Variants in ACER2 observed in about 807,000 individuals in gnomAD.
ACER2 encodes alkCDase 2.
Under a neutral mutation model 34.7 loss-of-function variants are expected in ACER2, and 26 were observed. The ratio of observed to expected loss-of-function variants is 0.75; its 90% CI spans 0.55 to 1.04. The LOEUF is 1.04. Among genes scored for constraint, ACER2 ranks in the 50% least tolerant of loss-of-function variants. ACER2 has a pLI of 0.00. For missense variants in ACER2, 352 were observed against 340.8 expected (o/e 1.03, Z -0.26); for synonymous variants, 138 against 132.1 (o/e 1.04, Z -0.31).
chr9:19,442,837 C>CT (rs113229012), intron 4 of ACER2, among the ~76,000 whole-genome samples: 3,626 of 144,612 alleles, frequency 0.025, 151 homozygotes, highest in African/African-American at 0.085. Flanking sequence ...CCAATAAATA[C>CT]TTTTTTTTTT....
At position 19,412,334 on chromosome 9, in the gene ACER2, A is replaced by C. The variant is rs540310615; in HGVS notation, c.108+3142A>C. ...GATATTTTCTAGGCATATAAAAAGC[A>C]CATGTATCTGTGTGCATATAAAATA... On this transcript the variant is annotated intron_variant, in intron 1 of 5. Transcript: ENST00000340967. 4.6e-5 allele frequency among the ~76,000 whole-genome samples: 7 copies of C among 152,348 alleles called. No homozygotes were observed. In the South Asian group the frequency reaches 1.4e-3, roughly 32 times the overall value.
chr9:19,435,737 G>C (rs556187656), intron 4 of ACER2, among the ~76,000 whole-genome samples: 112 of 152,068 alleles, frequency 7.4e-4, no homozygotes, highest in African/African-American at 2.6e-3. Flanking sequence ...GGGTGACAGA[G>C]TGAGACTTGT....
chr9:19,425,229 A>G (rs958085949), intron 3 of ACER2, among the ~76,000 whole-genome samples: 3 of 152,270 alleles, frequency 2.0e-5, no homozygotes, highest in African/African-American at 7.2e-5. Context: ...CATATGAAGT[A>G]GAATCCAGAC....
At chr9:19,418,297 C>T (rs951165795) in intron 1 of ACER2, among the ~76,000 whole-genome samples, 18 of 152,162 alleles carry the variant, frequency 1.2e-4, no homozygotes, top group Admixed American at 4.6e-4. Context: ...GGCGATTCCT[C>T]AACAATCTGG....
chr9:19,448,081 A>C (rs1321648688), intron 5 of ACER2, among the ~76,000 whole-genome samples: 1 of 137,938 alleles, frequency 7.2e-6, no homozygotes, highest in Non-Finnish European at 1.5e-5. Flanking sequence ...ATCTTGGCTC[A>C]CTGCAATCTC....
rs978563407 is a variant in ACER2, at chr9:19,446,640, G to A, written c.641+222G>A. 4 of 985,224 alleles carry A rather than the reference G, an allele frequency of 4.1e-6. No individual in the cohort carries two copies. In the African/African-American group the frequency reaches 7.0e-5, roughly 17 times the overall value. The allele number at this position is 985,224 out of a possible 1,614,324, so 61.0% of individuals were successfully genotyped here. On this transcript the variant is annotated intron_variant, in intron 5 of 5. Transcript: ENST00000340967. ...CTTAGCCGGAACGAAAGGCCTGATT[G>A]TCATGCTTAGGTCTGCAGTCTTTTA... is the stretch of plus-strand genomic sequence containing the variant.
At chr9:19,445,065 T>C (rs1011938268) in intron 4 of ACER2, among the ~76,000 whole-genome samples, 3 of 152,228 alleles carry the variant, frequency 2.0e-5, no homozygotes, top group African/African-American at 7.2e-5. Context: ...CAATTGCAGA[T>C]GTCGTGTTGT....
intron 1 of ACER2, among the ~76,000 whole-genome samples, chr9:19,412,495 A>G (rs763261121): frequency 2.0e-5 from 3 of 152,084 alleles, no homozygotes; most frequent in Non-Finnish European, 4.4e-5. Flanking sequence ...TCTACTAAAA[A>G]TACAAAAATT....
At position 19,434,046 on chromosome 9, in the gene ACER2, A is replaced by G. The variant is rs1250771422; in HGVS notation, c.366-901A>G. Among the ~76,000 whole-genome samples the G allele has an allele frequency of 1.4e-3, 195 of 141,720 alleles. 1 individual carries two copies. The highest frequency in any genetic ancestry group is 5.3e-3 in the African/African-American group (187 of 35,444). 93.0% of individuals were successfully genotyped at this position (141,720 alleles called of 152,430 possible). On this transcript the variant is annotated intron_variant, in intron 3 of 5. Coordinates refer to ENST00000340967, the MANE Select transcript of ACER2 (RefSeq NM_001010887.3). ...CGGCTGCCGGGCGGAGGGTCTCCTC[A>G]CTTCTCAGACGGGGCGGCCGGGCAG...
At chr9:19,409,863 G>T (rs1830036830) in intron 1 of ACER2, 5 of 985,278 alleles carry the variant, frequency 5.1e-6, no homozygotes, top group African/African-American at 1.7e-5. Flanking sequence ...GAAAGTTTGG[G>T]AGTGATAATG....
intron 4 of ACER2, among the ~76,000 whole-genome samples, chr9:19,435,699 C>T (rs933642721): frequency 2.0e-5 from 3 of 151,770 alleles, no homozygotes; most frequent in Non-Finnish European, 4.4e-5. Flanking sequence ...TTGCAGTGAG[C>T]TGAGATCACA....
At chr9:19,434,896 C>T (rs1563885026) in intron 3 of ACER2, 51 bp from the exon 4 acceptor site, 1 of 1,604,932 alleles carries the variant, frequency 6.2e-7, no homozygotes, top group Admixed American at 1.7e-5. Context: ...AACAAACAAA[C>T]AAACAAGAAC....
At chr9:19,426,861 A>G (rs548493179) in intron 3 of ACER2, among the ~76,000 whole-genome samples, 1 of 152,278 alleles carries the variant, frequency 6.6e-6, no homozygotes, top group South Asian at 2.1e-4. Context: ...CAGCGTGGGC[A>G]ACACAGTGAA....
chr9:19,432,108 G>T (rs1022124221), intron 3 of ACER2, among the ~76,000 whole-genome samples: 1 of 152,138 alleles, frequency 6.6e-6, no homozygotes, highest in Non-Finnish European at 1.5e-5. Context: ...GCCACTTCCG[G>T]CTCTTTCTAC....
intron 4 of ACER2, among the ~76,000 whole-genome samples, chr9:19,439,536 A>T (rs1831078859): frequency 6.6e-6 from 1 of 151,990 alleles, no homozygotes; most frequent in African/African-American, 2.4e-5. Flanking sequence ...GTAGAGACCC[A>T]GCCTAAAGGG....
At chr9:19,433,086 T>C (rs879897241) in intron 3 of ACER2, among the ~76,000 whole-genome samples, 1 of 151,508 alleles carries the variant, frequency 6.6e-6, no homozygotes, top group East Asian at 1.9e-4. Flanking sequence ...TTTGAAAATA[T>C]CTGATTATTT....
chr9:19,424,008 A>G, intron 2 of ACER2, 32 bp downstream of exon 2: 1 of 1,510,354 alleles, frequency 6.6e-7, no homozygotes, highest in South Asian at 1.1e-5. Context: ...CACGGACTTA[A>G]TGGGGTGGTG....
At chr9:19,409,297 G>A (rs1200253357) in intron 1 of ACER2, 105 bp downstream of exon 1, 17 of 1,132,482 alleles carry the variant, frequency 1.5e-5, no homozygotes, top group Admixed American at 1.5e-4. Flanking sequence ...GCATCTGGGG[G>A]CATTCTCTCC....
chr9:19,426,210 A>C (rs1830553093), intron 3 of ACER2, among the ~76,000 whole-genome samples: 2 of 149,432 alleles, frequency 1.3e-5, no homozygotes, highest in Non-Finnish European at 1.5e-5. Flanking sequence ...TTTCATCTGA[A>C]CTGGTTGACT....
Sources: gnomAD v4.1 joint callset for allele counts (sites outside exome capture counted in the v4.1 genomes callset) on GRCh38, gnomAD v4.1.1 for gene constraint, MANE v1.5 for transcripts, NCBI Gene and HGNC (gene_info 2026-07-23, HGNC 2026-07-21) for gene names.